Variants in MSR1 observed in about 807,000 individuals in gnomAD.
MSR1 encodes the protein macrophage scavenger receptor 1.
A neutral mutation model predicts 47.2 loss-of-function variants in MSR1; 53 were observed. The observed-to-expected ratio is 1.12, with a 90% CI of 0.90 to 1.41. The LOEUF is 1.41. MSR1 is among the 40% of genes most tolerant of loss of function. The probability of loss-of-function intolerance (pLI) is 0.00; values close to 1 mark genes in which losing one functional copy is unlikely to be tolerated. For missense variants in MSR1, 786 were observed against 546.9 expected (o/e 1.44, Z -4.36); for synonymous variants, 239 against 185.6 (o/e 1.29, Z -2.34).
At chr8:16,170,251 G>C (rs1225723811) in intron 3 of MSR1, among the ~76,000 whole-genome samples, 2 of 152,006 alleles carry the variant, frequency 1.3e-5, no homozygotes, top group Non-Finnish European at 2.9e-5. Context: ...AGGAGGCTGA[G>C]GCAGGAGAAT....
chr8:16,166,614 CCA>C (rs547648668), intron 4 of MSR1, among the ~76,000 whole-genome samples: 95 of 152,226 alleles, frequency 6.2e-4, no homozygotes, highest in African/African-American at 2.2e-3. Flanking sequence ...CCACATGCTA[CCA>C]CCAGTGACCC....
intron 3 of MSR1, among the ~76,000 whole-genome samples, chr8:16,171,769 G>C (rs73665246): frequency 0.011 from 1,736 of 152,232 alleles, 28 homozygotes; most frequent in African/African-American, 0.04. Context: ...TGAAGTAGCA[G>C]TTAAGAATTT....
chr8:16,189,531 TA>T (rs1267043007), intron 1 of MSR1, among the ~76,000 whole-genome samples: 1 of 98,330 alleles, frequency 1.0e-5, no homozygotes, highest in Admixed American at 1.4e-4. Context: ...AATCATATTT[TA>T]TATATATTTT....
intron 9 of MSR1, among the ~76,000 whole-genome samples, chr8:16,115,354 CTG>C (rs1563137207): frequency 1.3e-5 from 2 of 152,050 alleles, no homozygotes; most frequent in Non-Finnish European, 2.9e-5. Flanking sequence ...TGTCTCTACT[CTG>C]TATTTAAAAT....
At chr8:16,174,445 A>C (rs1473047393) in intron 3 of MSR1, among the ~76,000 whole-genome samples, 1 of 152,208 alleles carries the variant, frequency 6.6e-6, no homozygotes, top group African/African-American at 2.4e-5. Flanking sequence ...AATAATATTT[A>C]CATAAGTGCT....
At chr8:16,130,509 C>T (rs141997322) in intron 8 of MSR1, among the ~76,000 whole-genome samples, 134 of 152,144 alleles carry the variant, frequency 8.8e-4, no homozygotes, top group Middle Eastern at 3.4e-3. Flanking sequence ...TAGGTTCAGG[C>T]GTACCTGTGA....
intron 5 of MSR1, among the ~76,000 whole-genome samples, chr8:16,156,954 T>C (rs753456810): frequency 2.0e-5 from 3 of 151,892 alleles, no homozygotes; most frequent in Non-Finnish European, 4.4e-5. Context: ...GCTGCATCCA[T>C]TCAACACTAC....
intron 1 of MSR1, among the ~76,000 whole-genome samples, chr8:16,183,472 G>A (rs1801896401): frequency 6.8e-6 from 1 of 147,774 alleles, no homozygotes; most frequent in South Asian, 2.1e-4. Context: ...ATTCATATAT[G>A]AATAGATGAA....
Position 16,164,078 on chromosome 8 carries a change from G to A in MSR1, c.804C>T (p.Ile268=). ...AAGACATTTTACCTTGAATTAAAGT[G>A]ATATTTCTCAAGGTCTGAGAATGTT... The part of the protein sequence containing the change: ...DWEHSQTLRN[I]TLIQGPPGPP... Residue 268 remains isoleucine, a synonymous_variant, in exon 5 of 10, where the codon ATC becomes ATT. Coordinates refer to ENST00000262101, the MANE Select transcript of MSR1 (RefSeq NM_138715.3). 1.2e-6 allele frequency: 2 copies of A among 1,607,734 alleles called. No homozygotes were observed. Among genetic ancestry groups the A allele is most frequent in the Non-Finnish European group, 8.5e-7 (1 of 1,175,750 alleles).
chr8:16,186,174 A>C (rs1037572089), intron 1 of MSR1: 72 of 1,535,102 alleles, frequency 4.7e-5, no homozygotes, highest in Admixed American at 2.2e-4. Context: ...TTTGTTGAGA[A>C]GAGAGATACT....
At chr8:16,172,621 A>G (rs1801518366) in intron 3 of MSR1, among the ~76,000 whole-genome samples, 1 of 151,944 alleles carries the variant, frequency 6.6e-6, no homozygotes, top group Non-Finnish European at 1.5e-5. Flanking sequence ...ATCTTTTCAT[A>G]CCCCAAATGG....
At chr8:16,172,175 T>C (rs17677449) in intron 3 of MSR1, among the ~76,000 whole-genome samples, 10,473 of 152,234 alleles carry the variant, frequency 0.069, 680 homozygotes, top group East Asian at 0.33. Flanking sequence ...TGCTCAACCA[T>C]ATACTTTTAC....
At chr8:16,122,025 C>T (rs1350378571) in intron 8 of MSR1, among the ~76,000 whole-genome samples, 2 of 151,726 alleles carry the variant, frequency 1.3e-5, no homozygotes, top group African/African-American at 2.4e-5. Flanking sequence ...ATTGAGTGAC[C>T]TGAGCTATGC....
chr8:16,156,294 C>T (rs1311892039), intron 5 of MSR1, among the ~76,000 whole-genome samples: 1 of 152,062 alleles, frequency 6.6e-6, no homozygotes, highest in East Asian at 1.9e-4. Context: ...TTAGAATGCA[C>T]TTGTTTACAA....
chr8:16,139,839 A>T, intron 8 of MSR1: 1 of 355,706 alleles, frequency 2.8e-6, no homozygotes, highest in Non-Finnish European at 3.7e-6. Context: ...TAATTTGGAA[A>T]ATAAGAAGAT....
chr8:16,186,255 A>G, intron 1 of MSR1: 1 of 1,476,278 alleles, frequency 6.8e-7, no homozygotes, highest in African/African-American at 1.4e-5. Context: ...CATCTCCCCA[A>G]CGTCTCAACA....
Position 16,128,234 on chromosome 8 carries a change from C to T in MSR1, c.1034-7628G>A, listed in dbSNP as rs146619498. Among the ~76,000 whole-genome samples, 234 of 152,208 alleles carry T rather than the reference C, an allele frequency of 1.5e-3. 1 individual carries two copies. Among genetic ancestry groups the T allele is most frequent in the African/African-American group, 5.5e-3 (227 of 41,546 alleles). On this transcript the variant is annotated intron_variant, in intron 8 of 9. Transcript: ENST00000262101. ...CAGACAGAGGATCAATTCTTGATAC[C>T]TTCCTATTATGTACTGAATTGTGTC...
rs1007635078 is a variant in MSR1 at position 16,161,148 on chromosome 8, T to C, written c.817+2917A>G. Among the ~76,000 whole-genome samples, 33 of 149,990 alleles carry C rather than the reference T, an allele frequency of 2.2e-4. 1 individual carries two copies. The highest frequency in any genetic ancestry group is 2.1e-3 in the Admixed American group (32 of 14,896). On this transcript the variant is annotated intron_variant, in intron 5 of 9. Transcript: ENST00000262101. ...GATATGGTTGCTTGAATTAGAGTAG[T>C]AGTAGAGAGTAAGAAGAAGTTTGGT...
intron 8 of MSR1, among the ~76,000 whole-genome samples, chr8:16,127,477 T>C (rs1800155519): frequency 6.6e-6 from 1 of 152,188 alleles, no homozygotes; most frequent in Non-Finnish European, 1.5e-5. Flanking sequence ...AAGCAAATCT[T>C]GTCTTATCCA....
Sources: allele counts gnomAD v4.1 joint callset (sites outside exome capture counted in the v4.1 genomes callset), GRCh38; gene constraint gnomAD v4.1.1; transcripts MANE v1.5; gene names NCBI Gene and HGNC (gene_info 2026-07-23, HGNC 2026-07-21).